Variants in ADGRL2 observed in about 807,000 individuals in gnomAD.
ADGRL2 encodes calcium-independent alpha-latrotoxin receptor 2.
Under a neutral mutation model 157.4 loss-of-function variants are expected in ADGRL2, and 44 were observed. The observed-to-expected ratio is 0.28, with a 90% CI of 0.22 to 0.36. ADGRL2 has a LOEUF of 0.36. Ranked by LOEUF, ADGRL2 falls within the 10% of genes least tolerant of loss-of-function variation. ADGRL2 has a pLI of 1.00. For missense variants in ADGRL2, 1,510 were observed against 1,768.9 expected (o/e 0.85, Z 2.63); for synonymous variants, 585 against 624.7 (o/e 0.94, Z 0.95).
intron 3 of ADGRL2, among the ~76,000 whole-genome samples, chr1:81,599,282 C>T (rs975631749): frequency 2.0e-5 from 3 of 152,192 alleles, no homozygotes; most frequent in African/African-American, 7.2e-5. Context: ...AGCCTTAGTA[C>T]ACTCATCCAT....
At chr1:81,891,149 TCACTAA>T (rs2094254321) in intron 2 of ADGRL2, among the ~76,000 whole-genome samples, 1 of 151,796 alleles carries the variant, frequency 6.6e-6, no homozygotes, top group Non-Finnish European at 1.5e-5. Context: ...CATTCCCAAA[TCACTAA>T]ATATTATTAT....
intron 2 of ADGRL2, among the ~76,000 whole-genome samples, chr1:81,900,309 C>T (rs1182543700): frequency 6.6e-6 from 1 of 152,156 alleles, no homozygotes; most frequent in Non-Finnish European, 1.5e-5. Context: ...TGAAAATCTA[C>T]TAGAACTTCT....
chr1:81,817,243 A>G (rs2090499771), intron 1 of ADGRL2, among the ~76,000 whole-genome samples: 2 of 151,868 alleles, frequency 1.3e-5, no homozygotes, highest in East Asian at 1.9e-4. Flanking sequence ...ATGATGGCAT[A>G]CAAACAGCTT....
intron 6 of ADGRL2, among the ~76,000 whole-genome samples, chr1:81,947,162 A>G (rs1454035803): frequency 6.6e-6 from 1 of 152,200 alleles, no homozygotes; most frequent in African/African-American, 2.4e-5. Context: ...TCTATAAAAA[A>G]GGGTTTGGAT....
At chr1:81,860,098 C>A (rs892273921) in intron 2 of ADGRL2, among the ~76,000 whole-genome samples, 4 of 151,992 alleles carry the variant, frequency 2.6e-5, no homozygotes, top group Non-Finnish European at 5.9e-5. Flanking sequence ...ATGGCAGGTG[C>A]TTGTAATCCC....
intron 16 of ADGRL2, 61 bp downstream of exon 16, chr1:81,970,595 C>G: frequency 7.6e-7 from 1 of 1,312,414 alleles, no homozygotes; most frequent in Non-Finnish European, 1.1e-6. Flanking sequence ...AGCCTGTTAG[C>G]TGTCAGTGAG....
chr1:81,965,912 C>A lies in ADGRL2; in HGVS notation c.2018-146C>A. On this transcript the variant is annotated intron_variant, in intron 11 of 23. Coordinates refer to ENST00000686636, the MANE Select transcript of ADGRL2 (RefSeq NM_001366006.2). Reference sequence around the variant, plus strand: ...CATTTGGAGTAATTTGGTTTTTAGTCCATGATTTTTGTTGAAACCTAACAG... The same window carrying A: ...CATTTGGAGTAATTTGGTTTTTAGTACATGATTTTTGTTGAAACCTAACAG... 3.7e-6 allele frequency: 3 copies of A among 802,616 alleles called. No individual in the cohort carries two copies. The South Asian group carries it at 7.1e-5, about 19-fold the overall frequency. 49.7% of individuals were successfully genotyped at this position (802,616 alleles called of 1,614,324 possible).
intron 2 of ADGRL2, among the ~76,000 whole-genome samples, chr1:81,455,562 A>G (rs887145217): frequency 2.6e-5 from 4 of 152,312 alleles, no homozygotes; most frequent in Admixed American, 1.3e-4. Flanking sequence ...GGTGTGTTAC[A>G]TATTAGAAGA....
chr1:81,698,970 T>C (rs2083501427), upstream of ADGRL2, among the ~76,000 whole-genome samples: 1 of 152,184 alleles, frequency 6.6e-6, no homozygotes, highest in African/African-American at 2.4e-5. Context: ...TTCCTTTCCT[T>C]AATAAGTTTA....
intron 1 of ADGRL2, among the ~76,000 whole-genome samples, chr1:81,377,348 G>T (rs537333270): frequency 6.6e-6 from 1 of 151,750 alleles, no homozygotes; most frequent in East Asian, 1.9e-4. Flanking sequence ...TATATTGTCC[G>T]GCATTTAATC....
At chr1:81,964,744 A>G (rs1447698368) in intron 11 of ADGRL2, among the ~76,000 whole-genome samples, 1 of 152,100 alleles carries the variant, frequency 6.6e-6, no homozygotes, top group Admixed American at 6.6e-5. Context: ...GACATTAGAG[A>G]CATTAAAGAG....
intron 2 of ADGRL2, among the ~76,000 whole-genome samples, chr1:81,519,053 C>A (rs928838233): frequency 6.6e-6 from 1 of 152,126 alleles, no homozygotes; most frequent in Admixed American, 6.5e-5. Flanking sequence ...TTATTAGGCC[C>A]ATTTTACAGA....
chr1:81,420,235 C>T (rs2077101256), intron 1 of ADGRL2, among the ~76,000 whole-genome samples: 1 of 152,162 alleles, frequency 6.6e-6, no homozygotes, highest in African/African-American at 2.4e-5. Context: ...TCACAATTCT[C>T]ATCAGCATAT....
rs1652339373 is a variant in ADGRL2, at chr1:81,953,000, A to T, written c.1808A>T (p.Glu603Val). The T allele has an allele frequency of 2.5e-6, 4 of 1,611,884 alleles. No homozygotes were observed. The highest frequency in any genetic ancestry group is 3.3e-5 in the Admixed American group (2 of 59,984). ...GRSYNKLQKR[E>V]KTCRAYLKAI... ...TTTACTTAAAAGCTCCAAAAACGAG[A>T]GAAGACATGCAGGGCTTACCTTAAG... Residue 603 changes from glutamate to valine, a missense_variant, in exon 10 of 24, where the codon GAG (glutamate) becomes GTG (valine). Glu to Val is a moderately radical substitution (Grantham distance 121). Around this residue, in one of 4 missense-constraint regions of ADGRL2, gnomAD observed 325 missense variants for 333.2 expected, o/e 0.98. Coordinates refer to ENST00000686636, the MANE Select transcript of ADGRL2 (RefSeq NM_001366006.2).
At chr1:81,469,428 C>T (rs1198987174) in intron 2 of ADGRL2, among the ~76,000 whole-genome samples, 2 of 152,152 alleles carry the variant, frequency 1.3e-5, no homozygotes, top group Non-Finnish European at 2.9e-5. Flanking sequence ...CGCTTACAGA[C>T]TCACATCCAC....
At chr1:81,518,148 G>T (rs769955443) in intron 2 of ADGRL2, among the ~76,000 whole-genome samples, 5 of 152,246 alleles carry the variant, frequency 3.3e-5, no homozygotes, top group African/African-American at 1.2e-4. Context: ...GAGTAGGAAC[G>T]CGTGAAAGGA....
chr1:81,774,738 G>C (rs1249259111), intron 2 of ADGRL2, among the ~76,000 whole-genome samples: 3 of 151,844 alleles, frequency 2.0e-5, no homozygotes, highest in Non-Finnish European at 4.4e-5. Flanking sequence ...CTTTTTTGAA[G>C]TAAAACAGTG....
intron 1 of ADGRL2, among the ~76,000 whole-genome samples, chr1:81,397,902 T>G (rs2076685648): frequency 6.6e-6 from 1 of 152,212 alleles, no homozygotes; most frequent in Non-Finnish European, 1.5e-5. Context: ...TGTCCAGTGC[T>G]GAAAGTGGGA....
Position 81,612,878 on chromosome 1 carries a change from G to C in ADGRL2, c.-143+31898G>C, listed in dbSNP as rs147362715. On this transcript the variant is annotated intron_variant, in intron 3 of 24. Transcript: ENST00000370721. ...CACAATGAGCTATCACTTCACATCTGTCAGGATGACTGTTAACAAAAACAC... is the reference window on the plus strand; with the variant it reads ...CACAATGAGCTATCACTTCACATCTCTCAGGATGACTGTTAACAAAAACAC... Among the ~76,000 whole-genome samples the C allele has an allele frequency of 4.6e-3, 695 of 152,220 alleles. 6 individuals are homozygous for C. The highest frequency in any genetic ancestry group is 0.014 in the African/African-American group (596 of 41,512).
Sources: allele counts gnomAD v4.1 joint callset (sites outside exome capture counted in the v4.1 genomes callset), GRCh38; gene constraint gnomAD v4.1.1; regional missense constraint gnomAD v4.1.1; transcripts MANE v1.5; gene names NCBI Gene and HGNC (gene_info 2026-07-23, HGNC 2026-07-21).